SAMD5: variants seen among roughly 807,000 people sequenced by gnomAD.
SAMD5 encodes the protein sterile alpha motif domain containing 5.
Under a neutral mutation model 11.3 loss-of-function variants are expected in SAMD5, and 13 were observed. The ratio of observed to expected loss-of-function variants is 1.15; its 90% confidence interval spans 0.75 to 1.83. The LOEUF is 1.83. Ranked by LOEUF, SAMD5 falls within the 40% of genes most tolerant of loss-of-function variation. The pLI is 0.00. For missense variants in SAMD5, 255 were observed against 239.1 expected (o/e 1.07, Z -0.44); for synonymous variants, 129 against 111.3 (o/e 1.16, Z -1.00).
At chr6:147,835,247 C>CAACAA in the SAMD5 span, among the ~76,000 whole-genome samples, 4 of 137,960 alleles carry the variant, frequency 2.9e-5, no homozygotes, top group African/African-American at 1.1e-4. Context: ...AAAAAAAAAA[C>CAACAA]AAAAAAAACA....
At chr6:147,611,062 G>C (rs1323856577) in intron 1 of SAMD5, among the ~76,000 whole-genome samples, 1 of 151,860 alleles carries the variant, frequency 6.6e-6, no homozygotes, top group Non-Finnish European at 1.5e-5. Flanking sequence ...TAGAGGTGGG[G>C]TTTTTCACCA....
At chr6:147,547,561 G>A (rs950650105) in intron 1 of SAMD5, among the ~76,000 whole-genome samples, 1 of 152,160 alleles carries the variant, frequency 6.6e-6, no homozygotes, top group South Asian at 2.1e-4. Context: ...TTGGATCTTC[G>A]CAGACTTTTA....
At chr6:147,698,494 AAAT>A (rs1292900489) in intron 1 of SAMD5, among the ~76,000 whole-genome samples, 1 of 152,138 alleles carries the variant, frequency 6.6e-6, no homozygotes, top group African/African-American at 2.4e-5. Context: ...CTGTGGAAAA[AAAT>A]AATATTCAGA....
At chr6:147,752,184 A>T in the SAMD5 span, among the ~76,000 whole-genome samples, 53 of 152,278 alleles carry the variant, frequency 3.5e-4, no homozygotes, top group East Asian at 7.5e-3. Context: ...CTGAATTTAT[A>T]ATCTTGATAT....
chr6:147,628,493 G>A (rs941004545), intron 1 of SAMD5, among the ~76,000 whole-genome samples: 4 of 152,132 alleles, frequency 2.6e-5, no homozygotes, highest in African/African-American at 4.8e-5. Flanking sequence ...AAGATTATTC[G>A]CTTTGATGAT....
chr6:147,524,328 T>C (rs1291942503), intron 1 of SAMD5, among the ~76,000 whole-genome samples: 1 of 152,064 alleles, frequency 6.6e-6, no homozygotes, highest in Non-Finnish European at 1.5e-5. Flanking sequence ...CCAACATAGC[T>C]GGTTTTGGAT....
chr6:147,563,836 T>C (rs942095710), intron 1 of SAMD5, among the ~76,000 whole-genome samples: 2 of 152,282 alleles, frequency 1.3e-5, no homozygotes, highest in Non-Finnish European at 2.9e-5. Flanking sequence ...GGTTTTTACA[T>C]GCCTATGTGA....
At chr6:147,953,041 GCCTTTAT>G in the SAMD5 span, among the ~76,000 whole-genome samples, 1 of 151,158 alleles carries the variant, frequency 6.6e-6, no homozygotes, top group African/African-American at 2.4e-5. Context: ...TTTTTAATGT[GCCTTTAT>G]CCTCACTGAA....
intron 1 of SAMD5, among the ~76,000 whole-genome samples, chr6:147,596,321 T>C (rs1789530678): frequency 6.6e-6 from 1 of 152,230 alleles, no homozygotes; most frequent in African/African-American, 2.4e-5. Context: ...CCTTCGATAC[T>C]GTAAACTTTC....
chr6:147,949,747 C>T, the SAMD5 span, among the ~76,000 whole-genome samples: 22 of 152,270 alleles, frequency 1.4e-4, no homozygotes, highest in Non-Finnish European at 2.2e-4. Flanking sequence ...AATTGTACAA[C>T]GCTCATTTCT....
At chr6:147,875,607 G>T in the SAMD5 span, among the ~76,000 whole-genome samples, 1 of 152,118 alleles carries the variant, frequency 6.6e-6, no homozygotes, top group African/African-American at 2.4e-5. Flanking sequence ...GGAGGTGAGT[G>T]GTGGGCAAGC....
chr6:147,886,296 C>G, the SAMD5 span, among the ~76,000 whole-genome samples: 1 of 152,228 alleles, frequency 6.6e-6, no homozygotes, highest in African/African-American at 2.4e-5. Context: ...CAAAAAAGAG[C>G]AACGCAAACC....
At chr6:147,668,760 C>G (rs550988894) in intron 1 of SAMD5, among the ~76,000 whole-genome samples, 1 of 152,214 alleles carries the variant, frequency 6.6e-6, no homozygotes, top group East Asian at 1.9e-4. Flanking sequence ...AGGAGAATAG[C>G]TTGAACCTGG....
At chr6:147,513,388 G>A (rs1788118185) in intron 1 of SAMD5, among the ~76,000 whole-genome samples, 1 of 152,194 alleles carries the variant, frequency 6.6e-6, no homozygotes, top group South Asian at 2.1e-4. Context: ...ATGACAGGGT[G>A]GGAGGGGAGA....
At chr6:147,861,948 T>A in the SAMD5 span, among the ~76,000 whole-genome samples, 13 of 152,280 alleles carry the variant, frequency 8.5e-5, no homozygotes, top group African/African-American at 3.1e-4. Context: ...AGATACATTT[T>A]CATTCTTCCT....
chr6:147,614,191 G>A (rs114312834), intron 1 of SAMD5, among the ~76,000 whole-genome samples: 1,661 of 151,990 alleles, frequency 0.011, 66 homozygotes, highest in African/African-American at 0.038. Context: ...CTGATAGGCC[G>A]GGCATGGTGG....
chr6:147,647,515 G>A (rs1790423627), intron 1 of SAMD5, among the ~76,000 whole-genome samples: 1 of 152,180 alleles, frequency 6.6e-6, no homozygotes, highest in Non-Finnish European at 1.5e-5. Flanking sequence ...GAAATTTCCA[G>A]AAGTCATTTG....
At chr6:147,783,041 G>A in the SAMD5 span, among the ~76,000 whole-genome samples, 3 of 151,932 alleles carry the variant, frequency 2.0e-5, no homozygotes, top group Non-Finnish European at 4.4e-5. Context: ...TGATGACTGG[G>A]GACTTCTCAT....
chr6:147,662,195 G>A (rs1244148425), intron 1 of SAMD5, among the ~76,000 whole-genome samples: 1 of 152,172 alleles, frequency 6.6e-6, no homozygotes, highest in Non-Finnish European at 1.5e-5. Flanking sequence ...GAAGATGAAA[G>A]GAGTATAGTA....
Sources: allele counts gnomAD v4.1 joint callset (sites outside exome capture counted in the v4.1 genomes callset), GRCh38; gene constraint gnomAD v4.1.1; transcripts MANE v1.5; gene names NCBI Gene and HGNC (gene_info 2026-07-23, HGNC 2026-07-21).